Variants in ATRN observed in about 807,000 individuals in gnomAD.
ATRN encodes attractin, also known as attractin-2.
A neutral mutation model predicts 178.7 loss-of-function variants in ATRN; 54 were observed. That is an observed-to-expected ratio of 0.30 (90% CI 0.24 to 0.38). ATRN has a LOEUF of 0.38. ATRN is among the 10% of genes least tolerant of loss of function. The pLI is 1.00. For synonymous variants in ATRN, 636 were observed against 663.0 expected, an observed-to-expected ratio of 0.96 and a Z score of 0.63; for missense variants, 1,443 against 1,815.1, an observed-to-expected ratio of 0.79 and a Z score of 3.73.
intron 6 of ATRN, among the ~76,000 whole-genome samples, chr20:3,553,925 G>A (rs993519170): frequency 6.6e-6 from 1 of 152,156 alleles, no homozygotes; most frequent in African/African-American, 2.4e-5. Flanking sequence ...GCACACTGTT[G>A]TACTTGCTCT....
intron 12 of ATRN, among the ~76,000 whole-genome samples, chr20:3,573,444 A>G (rs460933): frequency 0.75 from 114,098 of 151,702 alleles, 43,341 homozygotes; most frequent in East Asian, 1. Flanking sequence ...ATGCAGATCT[A>G]ACATTAAGGA....
intron 24 of ATRN, among the ~76,000 whole-genome samples, chr20:3,611,528 G>T (rs1182707166): frequency 6.6e-6 from 1 of 152,198 alleles, no homozygotes; most frequent in South Asian, 2.1e-4. Context: ...CACCACTTGA[G>T]GTCAGGAGTT....
chr20:3,478,451 A>G (rs781730118), intron 1 of ATRN, among the ~76,000 whole-genome samples: 1 of 152,144 alleles, frequency 6.6e-6, no homozygotes, highest in Non-Finnish European at 1.5e-5. Context: ...TTAGCAAACT[A>G]ACACAGGAAC....
chr20:3,495,676 A>G (rs1325019450), intron 1 of ATRN, among the ~76,000 whole-genome samples: 1 of 151,984 alleles, frequency 6.6e-6, no homozygotes, highest in Non-Finnish European at 1.5e-5. Context: ...TAAATAAAAT[A>G]TGACTTGTTC....
In ATRN at chr20:3,572,857, T is replaced by C; in HGVS notation, c.1998T>C (p.Cys666=). The change falls in exon 12 of 29, where the codon TGT becomes TGC. Residue 666 remains cysteine, a synonymous_variant. Transcript: ENST00000262919. ...ACLAAGPGIR[C]VWNTGSSQCI... ...TAGCAGCAGGACCTGGTATTCGGTG[T>C]GTGTGGAACACAGGGTCGTCTCAGT... 1 of 1,613,820 alleles carries C rather than the reference T, an allele frequency of 6.2e-7. No individual in the cohort carries two copies. The highest frequency in any genetic ancestry group is 8.5e-7 in the Non-Finnish European group (1 of 1,179,964).
intron 3 of ATRN, among the ~76,000 whole-genome samples, chr20:3,542,801 ATTTTTTTTT>A (rs35265454): frequency 7.7e-6 from 1 of 130,496 alleles, no homozygotes; most frequent in Non-Finnish European, 1.6e-5. Context: ...TAATTTTTGT[ATTTTTTTTT>A]TTTTTTTTTG....
At chr20:3,474,750 G>C (rs2084494454) in intron 1 of ATRN, among the ~76,000 whole-genome samples, 1 of 148,544 alleles carries the variant, frequency 6.7e-6, no homozygotes, top group South Asian at 2.2e-4. Context: ...AATTTTAGTC[G>C]AGGCCAAGCG....
chr20:3,586,323 C>A (rs527901966), intron 18 of ATRN, among the ~76,000 whole-genome samples: 34 of 152,226 alleles, frequency 2.2e-4, no homozygotes, highest in Middle Eastern at 3.4e-3. Flanking sequence ...GTAAAAGAAG[C>A]CAGGTGCAAA....
intron 1 of ATRN, among the ~76,000 whole-genome samples, chr20:3,509,323 T>A (rs1468588439): frequency 6.6e-6 from 1 of 152,172 alleles, no homozygotes; most frequent in African/African-American, 2.4e-5. Flanking sequence ...AGACAGCTGG[T>A]TTATGTCTAT....
chr20:3,531,940 A>C (rs1330320061), intron 1 of ATRN, among the ~76,000 whole-genome samples: 1 of 152,178 alleles, frequency 6.6e-6, no homozygotes, highest in Non-Finnish European at 1.5e-5. Context: ...TGGACAACAT[A>C]GCAAGACTCA....
chr20:3,568,013 G>A lies in ATRN; in HGVS notation c.1871+2581G>A, dbSNP rs115549166. On this transcript the variant is annotated intron_variant, in intron 11 of 28. Coordinates refer to ENST00000262919, the MANE Select transcript of ATRN (RefSeq NM_139321.3). ...GCAAGGTAAAAAATGAAACCTGGCC[G>A]GGCGTAGTGGCTCACGCTTGTAATC... Among the ~76,000 whole-genome samples the A allele has an allele frequency of 4.4e-3, 666 of 152,252 alleles. 1 individual carries two copies. The highest frequency in any genetic ancestry group is 0.015 in the African/African-American group (632 of 41,542).
At chr20:3,623,723 A>G (rs2086914835) in intron 24 of ATRN, among the ~76,000 whole-genome samples, 2 of 152,216 alleles carry the variant, frequency 1.3e-5, no homozygotes, top group African/African-American at 2.4e-5. Context: ...AGTAGCACGT[A>G]TATTATCGGT....
chr20:3,514,469 CAG>C (rs567708887), intron 1 of ATRN, among the ~76,000 whole-genome samples: 172 of 152,236 alleles, frequency 1.1e-3, no homozygotes, highest in African/African-American at 3.9e-3. Context: ...AGAATATTTG[CAG>C]ACTGTGTTTA....
chr20:3,475,501 A>G (rs1418440213), intron 1 of ATRN, among the ~76,000 whole-genome samples: 1 of 152,232 alleles, frequency 6.6e-6, no homozygotes, highest in Non-Finnish European at 1.5e-5. Context: ...ATGTCAGTTT[A>G]ATAAAAATAC....
intron 23 of ATRN, among the ~76,000 whole-genome samples, chr20:3,603,413 A>T (rs2086638187): frequency 6.6e-6 from 1 of 151,790 alleles, no homozygotes; most frequent in African/African-American, 2.4e-5. Context: ...TTTCATGATC[A>T]TGTGTGTCAC....
chr20:3,591,097 A>G, intron 18 of ATRN, 72 bp from the exon 19 acceptor site: 1 of 1,406,008 alleles, frequency 7.1e-7, no homozygotes, highest in Non-Finnish European at 9.5e-7. Context: ...ATAGTTGCAG[A>G]TAAATCTTAT....
At chr20:3,537,491 T>G (rs530919358) in intron 2 of ATRN, among the ~76,000 whole-genome samples, 110 of 79,714 alleles carry the variant, frequency 1.4e-3, no homozygotes, top group Admixed American at 7.3e-3. Context: ...TTTTTTCTTG[T>G]TTTTTTTTTT....
At chr20:3,485,983 T>C (rs1368546045) in intron 1 of ATRN, among the ~76,000 whole-genome samples, 2 of 152,164 alleles carry the variant, frequency 1.3e-5, no homozygotes, top group African/African-American at 2.4e-5. Context: ...TGTCTGTTGT[T>C]TTATTTTGTC....
chr20:3,522,179 C>A (rs1386961819), intron 1 of ATRN, among the ~76,000 whole-genome samples: 2 of 151,896 alleles, frequency 1.3e-5, no homozygotes, highest in Non-Finnish European at 2.9e-5. Context: ...ACACATAGGT[C>A]AAAGGAGAAA....
Sources: allele counts gnomAD v4.1 joint callset (sites outside exome capture counted in the v4.1 genomes callset), GRCh38; gene constraint gnomAD v4.1.1; transcripts MANE v1.5; gene names NCBI Gene and HGNC (gene_info 2026-07-23, HGNC 2026-07-21).